Variants in WFS1 observed in about 807,000 individuals in gnomAD.
WFS1 encodes wolframin.
In WFS1, 90 loss-of-function variants were observed where a neutral mutation model predicts 68.5. The ratio of observed to expected loss-of-function variants is 1.31; its 90% CI spans 1.11 to 1.56. The LOEUF (loss-of-function observed/expected upper bound fraction) is 1.56. Among genes scored for constraint, WFS1 ranks in the 40% most tolerant of loss-of-function variants. WFS1 has a pLI of 0.00. For synonymous variants in WFS1, 860 were observed against 540.7 expected (o/e 1.59, Z -8.19); for missense variants, 1,767 against 1,232.6 (o/e 1.43, Z -6.49).
At chr4:6,296,332 C>A (rs1730638913) in intron 7 of WFS1, among the ~76,000 whole-genome samples, 1 of 152,204 alleles carries the variant, frequency 6.6e-6, no homozygotes, top group Non-Finnish European at 1.5e-5. Context: ...GTGTGAGCCC[C>A]CCGAGTGCCC....
At chr4:6,299,051 T>G (rs1033065824) in intron 7 of WFS1, among the ~76,000 whole-genome samples, 1 of 152,230 alleles carries the variant, frequency 6.6e-6, no homozygotes, top group African/African-American at 2.4e-5. Context: ...CTGGCACTTC[T>G]GAAGATGCAC....
At chr4:6,294,576 TG>T (rs1449746701) in intron 6 of WFS1, among the ~76,000 whole-genome samples, 1 of 151,886 alleles carries the variant, frequency 6.6e-6, no homozygotes, top group Non-Finnish European at 1.5e-5. Flanking sequence ...ATGGAGGGGT[TG>T]GGGGCGCAGA....
chr4:6,279,029 C>T (rs1238229265), intron 2 of WFS1, among the ~76,000 whole-genome samples: 1 of 152,200 alleles, frequency 6.6e-6, no homozygotes, highest in Non-Finnish European at 1.5e-5. Flanking sequence ...GAAGAGCAAG[C>T]CCTGGGCGCC....
rs184674822 is a variant in WFS1 at position 6,283,507 on chromosome 4, C to T, written c.233-3586C>T. 8.3e-4 allele frequency among the ~76,000 whole-genome samples: 127 copies of T among 152,338 alleles called. No homozygotes were observed. Among genetic ancestry groups the T allele is most frequent in the African/African-American group, 2.9e-3 (120 of 41,582 alleles). On this transcript the variant is annotated intron_variant, in intron 2 of 7. Coordinates refer to ENST00000226760, the MANE Select transcript of WFS1 (RefSeq NM_006005.3). This position sits in a 1 kb window ranked among gnomAD's most constrained non-coding sequence, Gnocchi z 5.0. ...ATGATGTCATCAGGAAGTACTCCCC[C>T]GCCCCCATTCCACTCTGCTTTCCTG... is the stretch of plus-strand genomic sequence containing the variant.
At chr4:6,274,702 G>C (rs978836165) in intron 1 of WFS1, among the ~76,000 whole-genome samples, 3 of 152,106 alleles carry the variant, frequency 2.0e-5, no homozygotes, top group Admixed American at 6.5e-5. Context: ...CTGGGGGAGG[G>C]GGGTAAGAAG....
intron 7 of WFS1, among the ~76,000 whole-genome samples, chr4:6,295,515 G>A (rs1730613126): frequency 6.6e-6 from 1 of 152,208 alleles, no homozygotes; most frequent in Admixed American, 6.5e-5. Context: ...CTTTCATCTA[G>A]ACTTCATCAC....
intron 7 of WFS1, among the ~76,000 whole-genome samples, chr4:6,297,287 C>T (rs79408528): frequency 0.016 from 2,404 of 152,274 alleles, 75 homozygotes; most frequent in African/African-American, 0.053. Flanking sequence ...TCGTCACAAG[C>T]GTCTCCCAGG....
In WFS1 at chr4:6,302,616, C is replaced by T. The variant is rs370524611; in HGVS notation, c.*148C>T. 2.7e-5 allele frequency: 32 copies of T among 1,182,324 alleles called. No individual in the cohort carries two copies. The highest frequency in any genetic ancestry group is 1.6e-4 in the South Asian group (11 of 67,326). The allele number at this position is 1,182,324 out of a possible 1,614,324, so 73.2% of individuals were successfully genotyped here. A position where few individuals can be genotyped will look rare whatever the true frequency, so the allele number is the denominator to read the frequency against. On this transcript the variant is annotated 3_prime_UTR_variant, in exon 8 of 8. Coordinates refer to ENST00000226760, the MANE Select transcript of WFS1 (RefSeq NM_006005.3). ...AGACCTTGCGACCATGTGTAGATTGCGTGGACCCCGACAAAGGGAAGGCTG... is the reference window on the plus strand; with the variant it reads ...AGACCTTGCGACCATGTGTAGATTGTGTGGACCCCGACAAAGGGAAGGCTG...
chr4:6,275,830 C>T (rs567243928), intron 1 of WFS1, among the ~76,000 whole-genome samples: 22 of 152,320 alleles, frequency 1.4e-4, no homozygotes, highest in Admixed American at 7.8e-4. Flanking sequence ...CAAAAGTGAC[C>T]TCTGGGCACC....
chr4:6,292,126 G>C, intron 6 of WFS1, 129 bp downstream of exon 6: 1 of 967,722 alleles, frequency 1.0e-6, no homozygotes. Flanking sequence ...GCGCCTGCAG[G>C]GCGACCTCTC....
At chr4:6,298,269 T>C (rs1304083623) in intron 7 of WFS1, among the ~76,000 whole-genome samples, 2 of 152,230 alleles carry the variant, frequency 1.3e-5, no homozygotes, top group African/African-American at 2.4e-5. Context: ...TGGCCTGGCG[T>C]CATACTACAG....
Position 6,291,975 on chromosome 4 carries a change from G to C in WFS1, c.690G>C (p.Leu230=), listed in dbSNP as rs1470964325. The part of the protein sequence containing the change: ...PKSLQKQRRM[L]ERLVSSESKN... ...CCCTGCAGAAGCAGAGGCGCATGCT[G>C]GAGCGCCTGGTCAGCAGCGAGTGTG... The change falls in exon 6 of 8, where the codon CTG becomes CTC. Residue 230 remains leucine (L), a synonymous_variant. Transcript: ENST00000226760. 6.2e-7 allele frequency: 1 copy of C among 1,609,064 alleles called. No individual in the cohort carries two copies.
chr4:6,270,425 G>A (rs1009343571), intron 1 of WFS1, among the ~76,000 whole-genome samples: 3 of 148,774 alleles, frequency 2.0e-5, no homozygotes, highest in Non-Finnish European at 3.0e-5. Context: ...CTCGGTGCCC[G>A]CCCGGCCGTT....
At chr4:6,282,165 C>T (rs987366470) in intron 2 of WFS1, among the ~76,000 whole-genome samples, 2 of 152,246 alleles carry the variant, frequency 1.3e-5, no homozygotes, top group African/African-American at 4.8e-5. Context: ...GTTCCCGCCT[C>T]AGAGTTCAGC....
Position 6,291,940 on chromosome 4 carries a change from G to A in WFS1, c.655G>A (p.Val219Met), listed in dbSNP as rs777361398. ...AGATGGAGGGGCGCAGCCAGGCCCCGTGCCCAAGTCCCTGCAGAAGCAGAG... is the reference window on the plus strand; with the variant it reads ...AGATGGAGGGGCGCAGCCAGGCCCCATGCCCAAGTCCCTGCAGAAGCAGAG... ...EHDGGAQPGPVPKSLQKQRRM... is the reference protein window; with the variant it reads ...EHDGGAQPGPMPKSLQKQRRM... Residue 219 changes from valine (V) to methionine (M), a missense_variant, in exon 6 of 8, where the codon GTG becomes ATG. Transcript: ENST00000226760. 1.8e-5 allele frequency: 29 copies of A among 1,611,148 alleles called. No homozygotes were observed. Among genetic ancestry groups the A allele is most frequent in the East Asian group, 4.5e-5 (2 of 44,826 alleles).
intron 2 of WFS1, among the ~76,000 whole-genome samples, chr4:6,281,704 C>A (rs536198097): frequency 6.6e-6 from 1 of 152,216 alleles, no homozygotes; most frequent in South Asian, 2.1e-4. Context: ...TGGGAGTGCG[C>A]TGAGCCCCTG....
intron 6 of WFS1, among the ~76,000 whole-genome samples, chr4:6,292,928 T>G (rs13114527): frequency 0.64 from 97,373 of 152,132 alleles, 31,760 homozygotes; most frequent in East Asian, 0.94. Context: ...AAACCGTCCA[T>G]AGGGTGTGGT....
At chr4:6,276,832 G>A (rs1730008894) in intron 1 of WFS1, among the ~76,000 whole-genome samples, 1 of 152,186 alleles carries the variant, frequency 6.6e-6, no homozygotes, top group South Asian at 2.1e-4. Flanking sequence ...GGGAGGCTCA[G>A]TTCCTCGCCT....
intron 1 of WFS1, among the ~76,000 whole-genome samples, chr4:6,270,409 GCC>G (rs1729767917): frequency 6.6e-6 from 1 of 151,834 alleles, no homozygotes; most frequent in African/African-American, 2.4e-5. Flanking sequence ...GGGACCCACG[GCC>G]GCCCTCGGTG....
Sources: gnomAD v4.1 joint callset for allele counts (sites outside exome capture counted in the v4.1 genomes callset) on GRCh38, gnomAD v4.1.1 for gene constraint, Gnocchi (gnomAD v3.1) non-coding constraint, MANE v1.5 for transcripts, NCBI Gene and HGNC (gene_info 2026-07-23, HGNC 2026-07-21) for gene names.